The following EXOC2 variants were observed in gnomAD, a reference collection of about 807,000 sequenced individuals.
The protein encoded by EXOC2 is SEC5-like 1.
EXOC2 carries 70 observed loss-of-function variants against 131.8 expected under a neutral mutation model. That is an observed-to-expected ratio of 0.53 (90% CI 0.44 to 0.65). EXOC2 has a LOEUF of 0.65. EXOC2 is among the 30% of genes least tolerant of loss of function. The probability of loss-of-function intolerance (pLI) is 0.00; values close to 1 mark genes in which losing one functional copy is unlikely to be tolerated. For missense variants in EXOC2, 923 were observed against 1,108.6 expected, an observed-to-expected ratio of 0.83 and a Z score of 2.38; for synonymous variants, 411 against 398.4, an observed-to-expected ratio of 1.03 and a Z score of -0.38.
intron 7 of EXOC2, among the ~76,000 whole-genome samples, chr6:605,144 C>T (rs3863218): frequency 0.089 from 13,612 of 152,182 alleles, 1,041 homozygotes; most frequent in African/African-American, 0.21. Flanking sequence ...AATCAATGAC[C>T]AGTATTCTTA....
Position 591,949 on chromosome 6 carries a change from A to G in EXOC2, c.1192+520T>C, listed in dbSNP as rs566790871. Among the ~76,000 whole-genome samples, 179 of 152,328 alleles carry G rather than the reference A, an allele frequency of 1.2e-3. 1 individual carries two copies. Among genetic ancestry groups the G allele is most frequent in the African/African-American group, 4.1e-3 (172 of 41,568 alleles). Reference sequence around the variant, plus strand: ...GTTCTAATACGGAGGCTTCTCTGAGACATTCCCACACCAGCCATCTAAAGC... The same window carrying G: ...GTTCTAATACGGAGGCTTCTCTGAGGCATTCCCACACCAGCCATCTAAAGC... On this transcript the variant is annotated intron_variant, in intron 11 of 27. Coordinates refer to ENST00000230449, the MANE Select transcript of EXOC2 (RefSeq NM_018303.6).
chr6:550,922 TTC>T lies in EXOC2; in HGVS notation c.2122-1633_2122-1632del, dbSNP rs533908749. On this transcript the variant is annotated intron_variant, in intron 21 of 27. Coordinates refer to ENST00000230449, the MANE Select transcript of EXOC2 (RefSeq NM_018303.6). Reference sequence around the variant, plus strand: ...TGCCACATCTTCTCTGCCCTGTAAATTCTCTTTGTTTTTCTCACTGTAATTTG... The same window carrying T: ...TGCCACATCTTCTCTGCCCTGTAAATTCTTTGTTTTTCTCACTGTAATTTG... 2.2e-3 allele frequency among the ~76,000 whole-genome samples: 331 copies of T among 152,346 alleles called. 1 individual carries two copies. The highest frequency in any genetic ancestry group is 7.5e-3 in the African/African-American group (311 of 41,584).
intron 11 of EXOC2, among the ~76,000 whole-genome samples, chr6:590,479 A>C (rs1336172757): frequency 6.6e-6 from 1 of 152,166 alleles, no homozygotes; most frequent in Non-Finnish European, 1.5e-5. Flanking sequence ...TCTCCATTGT[A>C]CTTCCTTCTC....
At chr6:552,323 C>T (rs1458287311) in intron 21 of EXOC2, among the ~76,000 whole-genome samples, 1 of 152,240 alleles carries the variant, frequency 6.6e-6, no homozygotes, top group East Asian at 1.9e-4. Flanking sequence ...ATGCTTTGCA[C>T]TGATGACCCT....
chr6:671,022 C>T lies in EXOC2; in HGVS notation c.-44+21997G>A, dbSNP rs181897903. Among the ~76,000 whole-genome samples, 47 of 126,864 alleles carry T rather than the reference C, an allele frequency of 3.7e-4. 1 individual carries two copies. In the Admixed American group the frequency reaches 4.2e-3, roughly 11 times the overall value. 83.2% of individuals were successfully genotyped at this position (126,864 alleles called of 152,430 possible). A position where few individuals can be genotyped will look rare whatever the true frequency, so the allele number is the denominator to read the frequency against. ...CTAAGCCCAGGAGTTCAAGACCAGC[C>T]TGGGTAACATCATGAGACTCCATCT... On this transcript the variant is annotated intron_variant, in intron 1 of 27. Transcript: ENST00000230449.
chr6:570,024 T>C (rs1046180354), intron 13 of EXOC2, among the ~76,000 whole-genome samples: 2 of 152,200 alleles, frequency 1.3e-5, no homozygotes, highest in African/African-American at 2.4e-5. Flanking sequence ...AGGCAACTAC[T>C]GTCCATGTGT....
In EXOC2 at chr6:555,087, T is replaced by TA. The variant is rs556867229; in HGVS notation, c.2054+139dup. 1.9e-3 allele frequency: 810 copies of TA among 431,562 alleles called. 2 individuals are homozygous for TA. The highest frequency in any genetic ancestry group is 6.2e-3 in the African/African-American group (308 of 49,522). The allele number at this position is 431,562 out of a possible 1,614,324, so 26.7% of individuals were successfully genotyped here. A position where few individuals can be genotyped will look rare whatever the true frequency, so the allele number is the denominator to read the frequency against. On this transcript the variant is annotated intron_variant, in intron 20 of 27. Transcript: ENST00000230449. Reference sequence around the variant, plus strand: ...CTATGGAAAGAATATAGGTCGAATATAAAAAAAAACTATTACTTCGATATG... The same window carrying TA: ...CTATGGAAAGAATATAGGTCGAATATAAAAAAAAAACTATTACTTCGATATG...
chr6:638,212 AG>A (rs1762192326), intron 1 of EXOC2, among the ~76,000 whole-genome samples: 1 of 152,212 alleles, frequency 6.6e-6, no homozygotes, highest in African/African-American at 2.4e-5. Flanking sequence ...TTCTACCCCC[AG>A]GGCTGTTTAA....
intron 20 of EXOC2, 122 bp from the exon 21 acceptor site, chr6:554,042 T>TA: frequency 3.0e-6 from 2 of 667,412 alleles, no homozygotes; most frequent in Non-Finnish European, 4.6e-6. Context: ...GAAAGTCACA[T>TA]AACTTTTTTT....
intron 23 of EXOC2, among the ~76,000 whole-genome samples, chr6:518,624 A>G (rs1765293598): frequency 6.6e-6 from 1 of 152,246 alleles, no homozygotes. Context: ...TGGCAGACAA[A>G]GAAACTATAA....
rs1762996427 is a variant in EXOC2 at position 485,527 on chromosome 6, C to CAAAG, written c.*1140_*1143dup. The CAAAG allele has an allele frequency of 6.6e-6, 1 of 152,146 alleles. No homozygotes were observed. Among genetic ancestry groups the CAAAG allele is most frequent in the African/African-American group, 2.4e-5 (1 of 41,436 alleles). The allele number at this position is 152,146 out of a possible 1,614,324, so 9.4% of individuals were successfully genotyped here. ...CTTGAAAACCCTGACAAGCCGACTACAAAGAGAATTCCTCTCTGAAAATTT... is the reference window on the plus strand; with the variant it reads ...CTTGAAAACCCTGACAAGCCGACTACAAAGAAAGAGAATTCCTCTCTGAAAATTT... On this transcript the variant is annotated 3_prime_UTR_variant, in exon 28 of 28. Transcript: ENST00000230449.
chr6:526,432 A>ATT (rs70985804), intron 23 of EXOC2, among the ~76,000 whole-genome samples: 338 of 76,006 alleles, frequency 4.4e-3, no homozygotes, highest in East Asian at 9.4e-3. Context: ...TTCTTTGTGG[A>ATT]TTTTTTTTTT....
At chr6:623,286 C>A (rs1419034076) in intron 4 of EXOC2, among the ~76,000 whole-genome samples, 1 of 152,232 alleles carries the variant, frequency 6.6e-6, no homozygotes, top group Non-Finnish European at 1.5e-5. Context: ...GCACCCCTAC[C>A]CGGATGCGTC....
intron 25 of EXOC2, among the ~76,000 whole-genome samples, chr6:492,589 A>G (rs1379287652): frequency 1.3e-5 from 2 of 152,244 alleles, no homozygotes; most frequent in Admixed American, 6.5e-5. Flanking sequence ...AGGCACTGGC[A>G]TATGTCACAA....
chr6:525,289 A>C (rs1765682146), intron 23 of EXOC2: 1 of 152,230 alleles, frequency 6.6e-6, no homozygotes, highest in Non-Finnish European at 1.5e-5. Flanking sequence ...GCTACTACTA[A>C]GCTAACTTTA....
intron 23 of EXOC2, among the ~76,000 whole-genome samples, chr6:500,961 G>A (rs1052151314): frequency 1.3e-5 from 2 of 149,104 alleles, no homozygotes; most frequent in Middle Eastern, 3.2e-3. Flanking sequence ...ATAAGGACAC[G>A]GTTTTTCTTT....
intron 17 of EXOC2, among the ~76,000 whole-genome samples, chr6:561,207 T>C (rs910837564): frequency 1.1e-4 from 17 of 152,242 alleles, no homozygotes; most frequent in African/African-American, 3.1e-4. Context: ...TTTGGAGGAA[T>C]AGAATGAGTC....
chr6:665,401 A>G (rs1263944930), intron 1 of EXOC2, among the ~76,000 whole-genome samples: 1 of 152,218 alleles, frequency 6.6e-6, no homozygotes, highest in Non-Finnish European at 1.5e-5. Flanking sequence ...TAAAAGTAGA[A>G]CTACCATTTG....
At chr6:662,746 C>A (rs1361112538) in intron 1 of EXOC2, among the ~76,000 whole-genome samples, 1 of 152,018 alleles carries the variant, frequency 6.6e-6, no homozygotes, top group Non-Finnish European at 1.5e-5. Flanking sequence ...CCTCAAGGAA[C>A]TAGAGAAACA....
Sources: allele counts gnomAD v4.1 joint callset (sites outside exome capture counted in the v4.1 genomes callset), GRCh38; gene constraint gnomAD v4.1.1; transcripts MANE v1.5; gene names NCBI Gene and HGNC (gene_info 2026-07-23, HGNC 2026-07-21).